The following ERMAP variants were observed in gnomAD, a reference collection of about 807,000 sequenced individuals.
The protein encoded by ERMAP is erythroid membrane-associated protein.
ERMAP carries 34 observed loss-of-function variants against 49.5 expected under a neutral mutation model. The ratio of observed to expected loss-of-function variants is 0.69; its 90% CI spans 0.52 to 0.91. The LOEUF is 0.91. Ranked by LOEUF, ERMAP falls within the 40% of genes least tolerant of loss-of-function variation. ERMAP has a pLI of 0.00. For missense variants in ERMAP, 541 were observed against 582.6 expected (o/e 0.93, Z 0.74); for synonymous variants, 214 against 232.2 (o/e 0.92, Z 0.71).
At chr1:42,840,245 A>G (rs1210474976) in intron 10 of ERMAP, 25 bp from the exon 11 acceptor site, 3 of 1,614,000 alleles carry the variant, frequency 1.9e-6, no homozygotes, top group African/African-American at 2.7e-5. Flanking sequence ...TGGTACTTTA[A>G]TGATCCCCTT....
chr1:42,825,573 G>A, intron 1 of ERMAP, 50 bp from the exon 2 acceptor site: 1 of 1,255,462 alleles, frequency 8.0e-7, no homozygotes, highest in Non-Finnish European at 1.0e-6. Flanking sequence ...AGAGAGCCCT[G>A]GCCTCTCATA....
intron 5 of ERMAP, among the ~76,000 whole-genome samples, chr1:42,835,471 C>T (rs1215330565): frequency 6.6e-6 from 1 of 152,138 alleles, no homozygotes; most frequent in African/African-American, 2.4e-5. Context: ...CAATTATATC[C>T]ATTGGATAAG....
intron 1 of ERMAP, among the ~76,000 whole-genome samples, chr1:42,822,837 T>C (rs1156673430): frequency 6.6e-6 from 1 of 152,224 alleles, no homozygotes; most frequent in Non-Finnish European, 1.5e-5. Flanking sequence ...TTTTTCTTTT[T>C]TTTTAACATC....
chr1:42,835,604 C>T (rs1430442711), intron 5 of ERMAP, 128 bp from the exon 6 acceptor site: 4 of 1,260,794 alleles, frequency 3.2e-6, no homozygotes, highest in Non-Finnish European at 4.4e-6. Context: ...CTAATCCTTT[C>T]AAATGCCCGC....
At position 42,830,923 on chromosome 1, in the gene ERMAP, C is replaced by CGTGAACAGCAG. The variant is rs768637323; in HGVS notation, c.242_243insTGAACAGCAGG (p.Asp82GlufsTer13). 1.9e-6 allele frequency: 3 copies of CGTGAACAGCAG among 1,613,958 alleles called. No homozygotes were observed. The African/African-American group carries it at 4.0e-5, about 22-fold the overall frequency. On this transcript the variant is annotated frameshift_variant, in exon 4 of 12. Transcript: ENST00000372517. LOFTEE classifies it high-confidence loss of function. ...GCGCTCCCAGGCTGTTCACATATTC[C>CGTGAACAGCAG]GGGATGGGAAGGACCAGGATGAAGA...
intron 4 of ERMAP, 51 bp downstream of exon 4, chr1:42,831,166 T>G (rs1364208740): frequency 1.3e-6 from 2 of 1,576,762 alleles, no homozygotes; most frequent in South Asian, 1.2e-5. Context: ...TTGGACAAGC[T>G]TAATCAGGAC....
intron 1 of ERMAP, among the ~76,000 whole-genome samples, chr1:42,820,826 T>C (rs1161241330): frequency 6.6e-6 from 1 of 152,246 alleles, no homozygotes; most frequent in East Asian, 1.9e-4. Flanking sequence ...TTTTGGTCTC[T>C]GGCTTTCAAG....
At position 42,842,896 on chromosome 1, in the gene ERMAP, T is replaced by C. The variant is rs1319051877; in HGVS notation, c.1092T>C (p.Tyr364=). The C allele has an allele frequency of 1.9e-6, 3 of 1,614,106 alleles. No individual in the cohort carries two copies. Among genetic ancestry groups the C allele is most frequent in the Non-Finnish European group, 2.5e-6 (3 of 1,180,054 alleles). The change falls in exon 12 of 12, where the codon TAT becomes TAC. Residue 364 remains tyrosine, a synonymous_variant. Coordinates refer to ENST00000372517, the MANE Select transcript of ERMAP (RefSeq NM_001017922.2). ...GGTGTGTGGGGATTTTCCTGGACTA[T>C]GAAGCAGGAGTCATCTCTTTCTACA... ...PPRCVGIFLD[Y]EAGVISFYNV...
Position 42,825,758 on chromosome 1 carries a change from T to G in ERMAP, c.-6+20T>G. The G allele has an allele frequency of 1.6e-6, 2 of 1,289,316 alleles. No homozygotes were observed. The highest frequency in any genetic ancestry group is 2.0e-6 in the Non-Finnish European group (2 of 988,862). The allele number at this position is 1,289,316 out of a possible 1,614,324, so 79.9% of individuals were successfully genotyped here. A position where few individuals can be genotyped will look rare whatever the true frequency, so the allele number is the denominator to read the frequency against. ...AAGGTGGTGAGTCCTCCTCTCTCTCTTCATGCTTTTTAGTCCTTTAACTTT... is the reference window on the plus strand; with the variant it reads ...AAGGTGGTGAGTCCTCCTCTCTCTCGTCATGCTTTTTAGTCCTTTAACTTT... On this transcript the variant is annotated intron_variant, in intron 2 of 11. Coordinates refer to ENST00000372517, the MANE Select transcript of ERMAP (RefSeq NM_001017922.2).
intron 8 of ERMAP, 56 bp downstream of exon 8, chr1:42,838,977 G>T: frequency 6.2e-7 from 1 of 1,613,930 alleles, no homozygotes; most frequent in East Asian, 2.2e-5. Flanking sequence ...CTTTTGCTTT[G>T]GGATGAGCAT....
At chr1:42,817,389 C>A in intron 1 of ERMAP, 136 bp downstream of exon 1, 2 of 456,498 alleles carry the variant, frequency 4.4e-6, no homozygotes, top group Non-Finnish European at 6.1e-6. Flanking sequence ...AGCGGCCGCG[C>A]GTGCGCAGAG....
rs1468165627 is a variant in ERMAP, at chr1:42,843,774, A to G, written c.*542A>G. 3.3e-6 allele frequency: 1 copy of G among 299,784 alleles called. No homozygotes were observed. The highest frequency in any genetic ancestry group is 2.2e-5 in the African/African-American group (1 of 46,342). The allele number at this position is 299,784 out of a possible 1,614,324, so 18.6% of individuals were successfully genotyped here. ...ATGAATTGGGAAAGGCTGATGAGTA[A>G]AACATACCATCCTTTTCTATTTTCT... is the stretch of plus-strand genomic sequence containing the variant. On this transcript the variant is annotated 3_prime_UTR_variant, in exon 12 of 12. Coordinates refer to ENST00000372517, the MANE Select transcript of ERMAP (RefSeq NM_001017922.2).
intron 8 of ERMAP, 104 bp from the exon 9 acceptor site, chr1:42,839,926 CTAT>C: frequency 8.9e-7 from 1 of 1,117,982 alleles, no homozygotes; most frequent in Non-Finnish European, 1.3e-6. Flanking sequence ...CAGGGTATAG[CTAT>C]TGAGTATCTG....
rs370816316 is a variant in ERMAP at position 42,842,868 on chromosome 1, C to T, written c.1064C>T (p.Pro355Leu). The change falls in exon 12 of 12, where the codon CCA (proline) becomes CTA (leucine). Residue 355 changes from proline (P) to leucine (L), a missense_variant. Transcript: ENST00000372517. ...PQTSFRLKEP[P>L]RCVGIFLDYE... is the part of the protein sequence containing the mutation. ...ACCTCCTTCCGCCTTAAAGAGCCTCCACGGTGTGTGGGGATTTTCCTGGAC... is the reference window on the plus strand; with the variant it reads ...ACCTCCTTCCGCCTTAAAGAGCCTCTACGGTGTGTGGGGATTTTCCTGGAC... The T allele has an allele frequency of 1.3e-4, 212 of 1,614,090 alleles. No homozygotes were observed. The highest frequency in any genetic ancestry group is 1.7e-4 in the Non-Finnish European group (205 of 1,180,048).
chr1:42,822,118 A>G (rs1045801377), intron 1 of ERMAP, among the ~76,000 whole-genome samples: 2 of 151,710 alleles, frequency 1.3e-5, no homozygotes, highest in Non-Finnish European at 2.9e-5. Context: ...ATGAAAAGCA[A>G]CTTTTTTGAA....
intron 10 of ERMAP, 21 bp from the exon 11 acceptor site, chr1:42,840,249 T>A: frequency 6.2e-7 from 1 of 1,614,156 alleles, no homozygotes; most frequent in East Asian, 2.2e-5. Context: ...ACTTTAATGA[T>A]CCCCTTTTCT....
Position 42,825,621 on chromosome 1 carries a change from A to G in ERMAP, c.-121-2A>G. On this transcript the variant is annotated splice_acceptor_variant, in intron 1 of 11. Coordinates refer to ENST00000372517, the MANE Select transcript of ERMAP (RefSeq NM_001017922.2). LOFTEE classifies it low-confidence loss of function (5UTR_SPLICE). ...TGAACTTTTCCCGGCCCACATCCCT[A>G]GGCCTTCCTGATGCGCTTGCCTGCT... 2 of 1,288,098 alleles carry G rather than the reference A, an allele frequency of 1.6e-6. No individual in the cohort carries two copies. The highest frequency in any genetic ancestry group is 2.0e-6 in the Non-Finnish European group (2 of 988,452). 79.8% of individuals were successfully genotyped at this position (1,288,098 alleles called of 1,614,324 possible).
intron 1 of ERMAP, 152 bp from the exon 2 acceptor site, chr1:42,825,471 C>T (rs1187022813): frequency 1.7e-6 from 2 of 1,152,874 alleles, no homozygotes; most frequent in African/African-American, 3.2e-5. Context: ...TTGGGAGCCT[C>T]CTCTTTGCTC....
At chr1:42,833,937 C>T (rs542881398) in intron 4 of ERMAP, among the ~76,000 whole-genome samples, 2 of 152,280 alleles carry the variant, frequency 1.3e-5, no homozygotes, top group African/African-American at 2.4e-5. Flanking sequence ...CAAAAAAATA[C>T]AAAAACTAGC....
Sources: gnomAD v4.1 joint callset for allele counts (sites outside exome capture counted in the v4.1 genomes callset) on GRCh38, gnomAD v4.1.1 for gene constraint, MANE v1.5 for transcripts, NCBI Gene and HGNC (gene_info 2026-07-23, HGNC 2026-07-21) for gene names.